The following MRPS18B variants were observed in gnomAD, a reference collection of about 807,000 sequenced individuals.
The protein encoded by MRPS18B is mitochondrial ribosomal protein S18B.
Under a neutral mutation model 28.4 loss-of-function variants are expected in MRPS18B, and 27 were observed. The observed-to-expected ratio is 0.95, with a 90% CI of 0.70 to 1.31. The LOEUF (loss-of-function observed/expected upper bound fraction) is 1.31, where lower values mean the gene tolerates loss of function less well. Among genes scored for constraint, MRPS18B ranks in the 40% most tolerant of loss-of-function variants. The pLI is 0.00. For synonymous variants in MRPS18B, 118 were observed against 123.7 expected (o/e 0.95, Z 0.30); for missense variants, 343 against 335.9 (o/e 1.02, Z -0.17).
chr6:30,622,969 T>G, intron 5 of MRPS18B, 71 bp downstream of exon 5: 3,008 of 1,234,656 alleles, frequency 2.4e-3, no homozygotes, highest in Non-Finnish European at 3.3e-3. Flanking sequence ...AGTTGGCCAA[T>G]AGGTATTTGT....
chr6:30,625,502 G>A lies in MRPS18B; in HGVS notation c.482G>A (p.Gly161Asp), dbSNP rs1400956919. 1 of 1,546,928 alleles carries A rather than the reference G, an allele frequency of 6.5e-7. No homozygotes were observed. Among genetic ancestry groups the A allele is most frequent in the African/African-American group, 1.4e-5 (1 of 72,652 alleles). Residue 161 changes from glycine to aspartate, a missense_variant and splice_region_variant, in exon 7 of 7, where the codon GGT becomes GAT. Gly to Asp is a moderately conservative substitution (Grantham distance 94, BLOSUM62 -1). Coordinates refer to ENST00000259873, the MANE Select transcript of MRPS18B (RefSeq NM_014046.4). ...TTTCTTTTCTTTTTTAATCCCTTAG[G>A]TCTCCTCATTTACCACATCCCCCAG... The part of the protein sequence containing the change: ...TQAIQKARDH[G>D]LLIYHIPQVE...
intron 4 of MRPS18B, among the ~76,000 whole-genome samples, chr6:30,622,516 C>A (rs994329363): frequency 7.0e-6 from 1 of 142,260 alleles, no homozygotes; most frequent in African/African-American, 2.6e-5. Context: ...GAGCTGAGAT[C>A]GCGCCACTGC....
chr6:30,618,887 C>T (rs1760936296), intron 1 of MRPS18B, among the ~76,000 whole-genome samples: 1 of 151,984 alleles, frequency 6.6e-6, no homozygotes, highest in Admixed American at 6.6e-5. Context: ...AATTTATTTC[C>T]AAAAAGCAAG....
rs540764576 is a variant in MRPS18B, at chr6:30,617,903, T to G, written c.38T>G (p.Leu13Arg). ...ASVLNTVLRR[L>R]PMLSLFRGSH... The stretch of plus-strand genomic sequence containing the variant: ...GTATTAAACACCGTGCTGAGGCGGC[T>G]TCCTATGCTATCTCTCTTCCGAGGT... The change falls in exon 1 of 7, where the codon CTT becomes CGT. Residue 13 changes from leucine (L) to arginine (R), a missense_variant. Physicochemically the swap from Leu to Arg is moderately radical, Grantham distance 102. Transcript: ENST00000259873. The G allele has an allele frequency of 1.9e-6, 3 of 1,614,216 alleles. No individual in the cohort carries two copies. In the African/African-American group the frequency reaches 4.0e-5, roughly 22 times the overall value.
In MRPS18B at chr6:30,619,766, A is replaced by G; in HGVS notation, c.245A>G (p.Lys82Arg). 6.2e-7 allele frequency: 1 copy of G among 1,614,232 alleles called. No homozygotes were observed. Residue 82 changes from lysine to arginine, a missense_variant, in exon 3 of 7, where the codon AAG (lysine) becomes AGG (arginine). Lys to Arg is a conservative substitution (Grantham distance 26, BLOSUM62 2). Coordinates refer to ENST00000259873, the MANE Select transcript of MRPS18B (RefSeq NM_014046.4). ...PVWADYRRNHKGGVPPQRTRK... is the reference protein window; with the variant it reads ...PVWADYRRNHRGGVPPQRTRK... ...TGGGCTGACTACCGCCGCAACCACA[A>G]GGGTGGTGTACCCCCACAGCGGACT...
chr6:30,624,199 TCTC>T (rs949719713), intron 5 of MRPS18B, among the ~76,000 whole-genome samples: 9 of 152,030 alleles, frequency 5.9e-5, no homozygotes, highest in African/African-American at 2.2e-4. Context: ...TTCAAGCAGT[TCTC>T]CTGCCTCAGC....
Position 30,619,977 on chromosome 6 carries a change from T to C in MRPS18B, c.342T>C (p.His114=), listed in dbSNP as rs563642876. The C allele has an allele frequency of 3.2e-4, 511 of 1,614,132 alleles. 11 individuals are homozygous for C. In the South Asian group the frequency reaches 5.4e-3, roughly 17 times the overall value. The part of the protein sequence containing the change: ...PCPICRDHKL[H]VDFRNVKLLE... ...CCATCTGTCGAGATCACAAGTTGCA[T>C]GTTGACTTTAGGGTAAGGAGAGTCT... is the stretch of plus-strand genomic sequence containing the variant. Residue 114 remains histidine, a synonymous_variant, in exon 4 of 7, where the codon CAT becomes CAC. Transcript: ENST00000259873.
Position 30,625,720 on chromosome 6 carries a change from T to G in MRPS18B, c.700T>G (p.Ser234Ala). The G allele has an allele frequency of 6.2e-7, 1 of 1,612,736 alleles. No homozygotes were observed. The highest frequency in any genetic ancestry group is 8.5e-7 in the Non-Finnish European group (1 of 1,179,936). ...AGAAGAGAGTGGCCCCCCACCTGAG[T>G]CAATGCCCAAGATGCCCCCTAGAAC... ...LQEESGPPPE[S>A]MPKMPPRTPA... The change falls in exon 7 of 7, where the codon TCA (serine) becomes GCA (alanine). Residue 234 changes from serine to alanine, a missense_variant. By Grantham distance (99) the Ser-to-Ala change is moderately conservative. Coordinates refer to ENST00000259873, the MANE Select transcript of MRPS18B (RefSeq NM_014046.4).
intron 4 of MRPS18B, among the ~76,000 whole-genome samples, chr6:30,620,992 C>T (rs1010528224): frequency 6.6e-6 from 1 of 152,232 alleles, no homozygotes; most frequent in African/African-American, 2.4e-5. Context: ...TGTCAATGTT[C>T]AGTGCCATGC....
chr6:30,619,645 T>G, intron 2 of MRPS18B, 44 bp downstream of exon 2: 1 of 1,607,904 alleles, frequency 6.2e-7, no homozygotes, highest in Non-Finnish European at 8.5e-7. Context: ...GGATTTGAGA[T>G]AAGTGGACAG....
In MRPS18B at chr6:30,617,864, A is replaced by G; in HGVS notation, c.-2A>G. Reference sequence around the variant, plus strand: ...CAATTCCTGTCCTGGGCGTACGTCAAGATGGCGGCGTCTGTATTAAACACC... The same window carrying G: ...CAATTCCTGTCCTGGGCGTACGTCAGGATGGCGGCGTCTGTATTAAACACC... On this transcript the variant is annotated 5_prime_UTR_variant, in exon 1 of 7. Coordinates refer to ENST00000259873, the MANE Select transcript of MRPS18B (RefSeq NM_014046.4). 6.2e-7 allele frequency: 1 copy of G among 1,614,210 alleles called. No homozygotes were observed. The highest frequency in any genetic ancestry group is 2.2e-5 in the East Asian group (1 of 44,890).
intron 4 of MRPS18B, 126 bp downstream of exon 4, chr6:30,620,115 A>G: frequency 1.2e-6 from 1 of 857,628 alleles, no homozygotes; most frequent in South Asian, 1.5e-5. Flanking sequence ...CAGGAGATCA[A>G]GACCATCCTG....
chr6:30,622,835 G>T lies in MRPS18B; in HGVS notation c.358G>T (p.Val120Leu), dbSNP rs116524936. The stretch of plus-strand genomic sequence containing the variant: ...TCTCTACCACTTTCCCCCACAGAAC[G>T]TGAAGCTCTTGGAGCAATTTGTCTG... ...DHKLHVDFRN[V>L]KLLEQFVCAH... Residue 120 changes from valine (V) to leucine (L), a missense_variant, in exon 5 of 7, where the codon GTG becomes TTG. Coordinates refer to ENST00000259873, the MANE Select transcript of MRPS18B (RefSeq NM_014046.4). 5 of 1,613,002 alleles carry T rather than the reference G, an allele frequency of 3.1e-6. No individual in the cohort carries two copies. Among genetic ancestry groups the T allele is most frequent in the Admixed American group, 3.3e-5 (2 of 59,998 alleles).
intron 1 of MRPS18B, among the ~76,000 whole-genome samples, 187 bp downstream of exon 1, chr6:30,618,130 C>T (rs1760852912): frequency 6.6e-6 from 1 of 151,640 alleles, no homozygotes; most frequent in Non-Finnish European, 1.5e-5. Context: ...GACTAAACGC[C>T]AGGGTTAGGT....
intron 1 of MRPS18B, among the ~76,000 whole-genome samples, chr6:30,618,161 C>T (rs1311273810): frequency 6.6e-6 from 1 of 151,344 alleles, no homozygotes; most frequent in Non-Finnish European, 1.5e-5. Flanking sequence ...TTCCAAAATG[C>T]CATTTCAGTA....
At chr6:30,622,936 C>G (rs151153127) in intron 5 of MRPS18B, 38 bp downstream of exon 5, 34 of 1,594,752 alleles carry the variant, frequency 2.1e-5, no homozygotes, top group Non-Finnish European at 2.8e-5. Flanking sequence ...AGAGCTTTTC[C>G]TTGTGGCATG....
intron 6 of MRPS18B, 143 bp from the exon 7 acceptor site, chr6:30,625,359 C>T (rs1335140748): frequency 4.8e-5 from 41 of 848,002 alleles, no homozygotes; most frequent in Non-Finnish European, 6.3e-5. Context: ...CCCTCTGGGC[C>T]GGTCACCTGT....
At chr6:30,619,443 T>G in intron 1 of MRPS18B, 50 bp from the exon 2 acceptor site, 2 of 1,479,952 alleles carry the variant, frequency 1.4e-6, no homozygotes, top group South Asian at 2.3e-5. Context: ...GCAAAACAAT[T>G]TAGTCCTTTC....
chr6:30,621,770 G>T (rs3132607), intron 4 of MRPS18B, among the ~76,000 whole-genome samples: 1 of 151,924 alleles, frequency 6.6e-6, no homozygotes, highest in South Asian at 2.1e-4. Context: ...AAGGTGAAAC[G>T]CCGTCTCTAC....
Sources: allele counts gnomAD v4.1 joint callset (sites outside exome capture counted in the v4.1 genomes callset), GRCh38; gene constraint gnomAD v4.1.1; transcripts MANE v1.5; gene names NCBI Gene and HGNC (gene_info 2026-07-23, HGNC 2026-07-21).